The following EPHB2 variants were observed in gnomAD, a reference collection of about 807,000 sequenced individuals.
EPHB2 encodes ephrin type-B receptor 2.
Under a neutral mutation model 96.4 loss-of-function variants are expected in EPHB2, and 18 were observed. The observed-to-expected ratio is 0.19, with a 90% CI of 0.13 to 0.28. EPHB2 has a LOEUF of 0.28. Among genes scored for constraint, EPHB2 ranks in the 10% least tolerant of loss-of-function variants. EPHB2 has a pLI of 1.00. For synonymous variants in EPHB2, 506 were observed against 534.1 expected (o/e 0.95, Z 0.72); for missense variants, 989 against 1,355.4 (o/e 0.73, Z 4.25).
intron 9 of EPHB2, among the ~76,000 whole-genome samples, chr1:22,899,594 C>T (rs941917250): frequency 1.3e-5 from 2 of 152,156 alleles, no homozygotes; most frequent in Non-Finnish European, 2.9e-5. Flanking sequence ...TTAACCAATA[C>T]AGAAATAGAA....
chr1:22,740,072 C>T (rs565466393), intron 1 of EPHB2, among the ~76,000 whole-genome samples: 4 of 152,310 alleles, frequency 2.6e-5, no homozygotes, highest in South Asian at 4.1e-4. Flanking sequence ...TTTGAAGCTT[C>T]GGGTCCAAAC....
At position 22,913,017 on chromosome 1, in the gene EPHB2, A is replaced by AC. The variant is rs1036923651; in HGVS notation, c.2852+422dup. On this transcript the variant is annotated intron_variant, in intron 15 of 15. Transcript: ENST00000374630. The surrounding 1 kb of genome is among the most constrained non-coding windows in gnomAD (Gnocchi z 4.1). ...AGACCAGCCTGACCAACATGGTGAA[A>AC]CCCCGTCTCTACTAAAATGCAAAAA... is the stretch of plus-strand genomic sequence containing the variant. 8.6e-6 allele frequency: 3 copies of AC among 349,898 alleles called. No individual in the cohort carries two copies. Among genetic ancestry groups the AC allele is most frequent in the African/African-American group, 6.4e-5 (3 of 47,008 alleles). The allele number at this position is 349,898 out of a possible 1,614,324, so 21.7% of individuals were successfully genotyped here. A position where few individuals can be genotyped will look rare whatever the true frequency, so the allele number is the denominator to read the frequency against.
chr1:22,775,879 C>G (rs12028458), intron 1 of EPHB2, among the ~76,000 whole-genome samples: 41,884 of 152,146 alleles, frequency 0.28, 6,309 homozygotes, highest in East Asian at 0.56. Flanking sequence ...CTTCATCTAT[C>G]CATTGGGATT....
chr1:22,868,018 C>G (rs1219397797), intron 5 of EPHB2, among the ~76,000 whole-genome samples: 4 of 152,220 alleles, frequency 2.6e-5, no homozygotes, highest in Non-Finnish European at 5.9e-5. Flanking sequence ...GGAACTCTTT[C>G]TAACTGGTAG....
intron 1 of EPHB2, among the ~76,000 whole-genome samples, chr1:22,736,435 C>A (rs1193436590): frequency 6.6e-6 from 1 of 152,190 alleles, no homozygotes; most frequent in Non-Finnish European, 1.5e-5. Context: ...TCCATGGGGC[C>A]CCCCTTCCCA....
chr1:22,881,779 C>CA (rs1639054065), intron 5 of EPHB2, among the ~76,000 whole-genome samples: 1 of 151,836 alleles, frequency 6.6e-6, no homozygotes, highest in Non-Finnish European at 1.5e-5. Context: ...TTTTAGTAGA[C>CA]ACGGGGTTTC....
At chr1:22,805,190 A>G (rs1570310909) in intron 3 of EPHB2, among the ~76,000 whole-genome samples, 1 of 151,974 alleles carries the variant, frequency 6.6e-6, no homozygotes, top group East Asian at 1.9e-4. Flanking sequence ...TGTCAAATCC[A>G]TGTCCCACAG....
intron 3 of EPHB2, among the ~76,000 whole-genome samples, chr1:22,803,715 GTA>G (rs1330067015): frequency 1.1e-4 from 16 of 147,734 alleles, no homozygotes; most frequent in African/African-American, 3.8e-4. Context: ...ATGTATATGT[GTA>G]TATATATGTA....
At chr1:22,721,956 T>C (rs1450331942) in intron 1 of EPHB2, among the ~76,000 whole-genome samples, 2 of 152,140 alleles carry the variant, frequency 1.3e-5, no homozygotes, top group African/African-American at 4.8e-5. Flanking sequence ...AACTGGTTTT[T>C]GTTTTGTTTT....
chr1:22,836,999 G>GTTCCAC (rs1327013063), intron 3 of EPHB2: 1 of 152,472 alleles, frequency 6.6e-6, no homozygotes, highest in African/African-American at 2.4e-5. Flanking sequence ...GAGGGCCTTT[G>GTTCCAC]TGGTTCCAAG....
intron 1 of EPHB2, among the ~76,000 whole-genome samples, chr1:22,722,618 T>C (rs1643492210): frequency 1.3e-5 from 2 of 152,216 alleles, no homozygotes; most frequent in Non-Finnish European, 2.9e-5. Context: ...TCCAGGAACG[T>C]AAGAGCCATC....
chr1:22,913,915 A>G lies in EPHB2; in HGVS notation c.*345A>G. On this transcript the variant is annotated 3_prime_UTR_variant, in exon 16 of 16. Transcript: ENST00000374630. This position sits in a 1 kb window ranked among gnomAD's most constrained non-coding sequence, Gnocchi z 4.1. ...ATGCGATGTGTCCAATCGGAGACAA[A>G]AGCAGTTTCTCTCCAACTCCCTCTG... 6.6e-7 allele frequency: 1 copy of G among 1,516,516 alleles called. No individual in the cohort carries two copies. Among genetic ancestry groups the G allele is most frequent in the South Asian group, 1.3e-5 (1 of 74,388 alleles). 93.9% of individuals were successfully genotyped at this position (1,516,516 alleles called of 1,614,324 possible). A position where few individuals can be genotyped will look rare whatever the true frequency, so the allele number is the denominator to read the frequency against.
At chr1:22,811,678 A>C (rs1645004031) in intron 3 of EPHB2, among the ~76,000 whole-genome samples, 1 of 152,202 alleles carries the variant, frequency 6.6e-6, no homozygotes, top group South Asian at 2.1e-4. Flanking sequence ...AAAGAAGTGT[A>C]GTTCTTTCGG....
intron 1 of EPHB2, among the ~76,000 whole-genome samples, chr1:22,729,871 C>T (rs1285694655): frequency 6.6e-6 from 1 of 152,216 alleles, no homozygotes; most frequent in African/African-American, 2.4e-5. Context: ...GCGCCCAGCC[C>T]CTAGTAAGTG....
At chr1:22,833,459 C>T (rs1645336620) in intron 3 of EPHB2, among the ~76,000 whole-genome samples, 1 of 152,104 alleles carries the variant, frequency 6.6e-6, no homozygotes, top group South Asian at 2.1e-4. Flanking sequence ...AACAAAAATA[C>T]AGCCATAAAA....
rs567703182 is a variant in EPHB2 at position 22,875,593 on chromosome 1, G to A, written c.1304-6766G>A. 1.3e-5 allele frequency among the ~76,000 whole-genome samples: 2 copies of A among 152,086 alleles called. No homozygotes were observed. Among genetic ancestry groups the A allele is most frequent in the African/African-American group, 4.8e-5 (2 of 41,410 alleles). On this transcript the variant is annotated intron_variant, in intron 5 of 15. Transcript: ENST00000374630. This position sits in a 1 kb window ranked among gnomAD's most constrained non-coding sequence, Gnocchi z 4.2. ...AAAGGGGAGAATCTGTCTGGTCCCC[G>A]CTTTTCCCTTTCTCCCTTCCTTCCT...
At chr1:22,756,465 A>C (rs955909734) in intron 1 of EPHB2, among the ~76,000 whole-genome samples, 1 of 151,968 alleles carries the variant, frequency 6.6e-6, no homozygotes, top group Non-Finnish European at 1.5e-5. Flanking sequence ...TGAGGTGTGG[A>C]CTGGGCCCCA....
rs1262438517 is a variant in EPHB2 at position 22,733,956 on chromosome 1, A to G, written c.61+22913A>G. ...TGGCCTGGTGTGATTTGGTGGGGAC[A>G]GAGCTAGAAGTTGAACCTGGGACTG... is the stretch of plus-strand genomic sequence containing the variant. On this transcript the variant is annotated intron_variant, in intron 1 of 15. Coordinates refer to ENST00000374630, the MANE Select transcript of EPHB2 (RefSeq NM_017449.5). This position sits in a 1 kb window ranked among gnomAD's most constrained non-coding sequence, Gnocchi z 4.6. Among the ~76,000 whole-genome samples, 1 of 152,190 alleles carries G rather than the reference A, an allele frequency of 6.6e-6. No individual in the cohort carries two copies. The highest frequency in any genetic ancestry group is 2.1e-4 in the South Asian group (1 of 4,832).
Position 22,814,925 on chromosome 1 carries a change from G to A in EPHB2, c.811+29849G>A, listed in dbSNP as rs138150683. 8.4e-3 allele frequency among the ~76,000 whole-genome samples: 1,272 copies of A among 152,282 alleles called. 9 individuals are homozygous for A. The highest frequency in any genetic ancestry group is 0.014 in the Non-Finnish European group (948 of 68,022). ...TGAGTGTTCTTCAAAAGCCCAGCTC[G>A]GCTCTGTGCCTGTAACCATGGAGAC... On this transcript the variant is annotated intron_variant, in intron 3 of 15. Transcript: ENST00000374630.
Sources: allele counts gnomAD v4.1 joint callset (sites outside exome capture counted in the v4.1 genomes callset), GRCh38; gene constraint gnomAD v4.1.1; non-coding constraint Gnocchi (gnomAD v3.1); transcripts MANE v1.5; gene names NCBI Gene and HGNC (gene_info 2026-07-23, HGNC 2026-07-21).